Variants in TBXAS1 observed in about 807,000 individuals in gnomAD.
TBXAS1 encodes thromboxane A synthase 1, also known as thromboxane-A synthase.
TBXAS1 carries 48 observed loss-of-function variants against 60.7 expected under a neutral mutation model. The observed-to-expected ratio is 0.79, with a 90% CI of 0.63 to 1.01. The LOEUF is 1.01. TBXAS1 is among the 50% of genes least tolerant of loss of function. The pLI is 0.00. For missense variants in TBXAS1, 685 were observed against 686.3 expected, an observed-to-expected ratio of 1.00 and a Z score of 0.02; for synonymous variants, 287 against 269.7, an observed-to-expected ratio of 1.06 and a Z score of -0.63.
rs1185826811 is a variant in TBXAS1, at chr7:139,778,855, G to A, written c.-318+384G>A. Among the ~76,000 whole-genome samples, 1 of 152,150 alleles carries A rather than the reference G, an allele frequency of 6.6e-6. No homozygotes were observed. The highest frequency in any genetic ancestry group is 1.5e-5 in the Non-Finnish European group (1 of 68,028). Reference sequence around the variant, plus strand: ...CAGCTGCCTCCCGGATGCTTGGATAGGATGCCCTGCCATCCCCTCCAACTT... The same window carrying A: ...CAGCTGCCTCCCGGATGCTTGGATAAGATGCCCTGCCATCCCCTCCAACTT... On this transcript the variant is annotated intron_variant, in intron 1 of 16. Coordinates refer to the TBXAS1 transcript ENST00000336425. The surrounding 1 kb of genome is among the most constrained non-coding windows in gnomAD (Gnocchi z 4.8).
At chr7:139,899,740 A>G (rs1269107869) in intron 3 of TBXAS1, among the ~76,000 whole-genome samples, 1 of 152,170 alleles carries the variant, frequency 6.6e-6, no homozygotes, top group Non-Finnish European at 1.5e-5. Flanking sequence ...AAGCAAGAAT[A>G]TGCTCTAAAT....
chr7:139,828,453 G>T (rs1416445007), upstream of TBXAS1, among the ~76,000 whole-genome samples: 1 of 152,160 alleles, frequency 6.6e-6, no homozygotes, highest in African/African-American at 2.4e-5. Context: ...ACAGTATTTG[G>T]AGTGTCTTCT....
intron 4 of TBXAS1, among the ~76,000 whole-genome samples, chr7:139,934,604 C>A (rs1381282618): frequency 6.6e-6 from 1 of 152,204 alleles, no homozygotes; most frequent in Non-Finnish European, 1.5e-5. Flanking sequence ...AATTGCTTTT[C>A]CCACAGTGCT....
chr7:139,963,387 G>A (rs374163744), intron 9 of TBXAS1, among the ~76,000 whole-genome samples: 15 of 152,110 alleles, frequency 9.9e-5, no homozygotes, highest in Admixed American at 7.9e-4. Flanking sequence ...CTCCAGCCTC[G>A]TGTCATCTGA....
At chr7:139,992,046 C>T (rs1319410839) in intron 9 of TBXAS1, among the ~76,000 whole-genome samples, 1 of 152,130 alleles carries the variant, frequency 6.6e-6, no homozygotes, top group Non-Finnish European at 1.5e-5. Flanking sequence ...CCCCCAACGC[C>T]CAGCCAAGGG....
chr7:139,783,076 C>T (rs1797052792), intron 3 of TBXAS1, among the ~76,000 whole-genome samples: 1 of 152,042 alleles, frequency 6.6e-6, no homozygotes, highest in Admixed American at 6.5e-5. Context: ...ATTACACTCA[C>T]AGAGAATTTA....
At chr7:139,913,153 C>A in intron 4 of TBXAS1, 1 of 702,728 alleles carries the variant, frequency 1.4e-6, no homozygotes, top group Non-Finnish European at 2.6e-6. Context: ...TACCTCCATC[C>A]CTTCAGGATG....
At chr7:139,946,126 A>ACGTT (rs1808691919) in intron 5 of TBXAS1, among the ~76,000 whole-genome samples, 1 of 152,154 alleles carries the variant, frequency 6.6e-6, no homozygotes, top group Non-Finnish European at 1.5e-5. Flanking sequence ...TGAACCCAGG[A>ACGTT]GTTCAAGACC....
upstream of TBXAS1, among the ~76,000 whole-genome samples, chr7:139,824,985 ATG>A (rs1270181816): frequency 3.3e-5 from 5 of 151,796 alleles, no homozygotes; most frequent in East Asian, 9.7e-4. Context: ...ACCTGCCATC[ATG>A]CCTGGCAAAT....
chr7:140,016,235 G>A (rs1209600859), intron 11 of TBXAS1, among the ~76,000 whole-genome samples: 5 of 152,098 alleles, frequency 3.3e-5, no homozygotes, highest in African/African-American at 1.2e-4. Flanking sequence ...GGCTGAGGCA[G>A]GAGAATGGCG....
intron 3 of TBXAS1, chr7:139,787,234 T>C (rs1030120232): frequency 8.5e-5 from 13 of 152,220 alleles, no homozygotes; most frequent in Admixed American, 3.9e-4. Context: ...AAGAATTTCT[T>C]TTGGAATATG....
chr7:139,841,640 GT>G (rs1243209029), intron 1 of TBXAS1, among the ~76,000 whole-genome samples: 3 of 148,586 alleles, frequency 2.0e-5, no homozygotes, highest in Admixed American at 2.0e-4. Context: ...TATTTTTTTT[GT>G]TTTCTCTCTC....
At chr7:139,807,539 A>T (rs1364394467) in intron 4 of TBXAS1, among the ~76,000 whole-genome samples, 1 of 152,048 alleles carries the variant, frequency 6.6e-6, no homozygotes, top group Non-Finnish European at 1.5e-5. Flanking sequence ...GCCCACCATC[A>T]TGCCCTGCTA....
intron 3 of TBXAS1, among the ~76,000 whole-genome samples, chr7:139,785,812 C>T (rs923155580): frequency 6.6e-6 from 1 of 151,994 alleles, no homozygotes; most frequent in Non-Finnish European, 1.5e-5. Context: ...TCTTGCATCT[C>T]GTGCATCCTA....
chr7:139,811,535 G>A (rs910871204), intron 4 of TBXAS1, among the ~76,000 whole-genome samples: 1 of 152,168 alleles, frequency 6.6e-6, no homozygotes, highest in Non-Finnish European at 1.5e-5. Flanking sequence ...GGCATGACTG[G>A]GTGTCTTAGA....
intron 1 of TBXAS1, among the ~76,000 whole-genome samples, chr7:139,865,627 G>A (rs1584713017): frequency 1.0e-5 from 1 of 96,260 alleles, no homozygotes; most frequent in African/African-American, 4.0e-5. Context: ...GGAAGAGGAG[G>A]AGGAGGAAGA....
intron 9 of TBXAS1, among the ~76,000 whole-genome samples, chr7:139,976,379 C>T (rs1811564347): frequency 1.3e-5 from 2 of 152,184 alleles, no homozygotes; most frequent in African/African-American, 4.8e-5. Flanking sequence ...TCCCTGCACT[C>T]CCAGCTGGAA....
At position 139,821,207 on chromosome 7, in the gene TBXAS1, C is replaced by T. The variant is rs545474590; in HGVS notation, c.-79-8105C>T. Among the ~76,000 whole-genome samples, 10 of 151,402 alleles carry T rather than the reference C, an allele frequency of 6.6e-5. No homozygotes were observed. In the East Asian group the frequency reaches 7.7e-4, roughly 12 times the overall value. ...GGGAGGAAGGTACAATTTACTGAGA[C>T]GGGGGAGATGGGATGAGGTTAATGG... On this transcript the variant is annotated intron_variant, in intron 4 of 16. Coordinates refer to the TBXAS1 transcript ENST00000336425.
At chr7:139,920,055 G>A (rs554258998) in intron 4 of TBXAS1, among the ~76,000 whole-genome samples, 2 of 152,314 alleles carry the variant, frequency 1.3e-5, no homozygotes, top group South Asian at 4.1e-4. Flanking sequence ...AACATAAAGT[G>A]CAGCAAACCC....
Sources: allele counts gnomAD v4.1 joint callset (sites outside exome capture counted in the v4.1 genomes callset), GRCh38; gene constraint gnomAD v4.1.1; non-coding constraint Gnocchi (gnomAD v3.1); transcripts MANE v1.5; gene names NCBI Gene and HGNC (gene_info 2026-07-23, HGNC 2026-07-21).